MAST4: variants seen among roughly 807,000 people sequenced by gnomAD.
MAST4 encodes microtubule-associated serine/threonine-protein kinase 4.
Under a neutral mutation model 162.7 loss-of-function variants are expected in MAST4, and 89 were observed. The observed-to-expected ratio is 0.55, with a 90% CI of 0.46 to 0.65. MAST4 has a LOEUF of 0.65. Among genes scored for constraint, MAST4 ranks in the 30% least tolerant of loss-of-function variants. MAST4 has a pLI of 0.00. For synonymous variants in MAST4, 1,479 were observed against 1,361.1 expected (o/e 1.09, Z -1.91); for missense variants, 3,153 against 3,374.0 (o/e 0.93, Z 1.62).
intron 1 of MAST4, among the ~76,000 whole-genome samples, chr5:66,618,033 T>TCGGG (rs1554035637): frequency 7.0e-6 from 1 of 143,672 alleles, no homozygotes; most frequent in Admixed American, 6.9e-5. Flanking sequence ...CTGGGAGGAA[T>TCGGG]GGGGGGGGGG....
At chr5:67,018,672 TA>T (rs1363460290) in intron 4 of MAST4, among the ~76,000 whole-genome samples, 15 of 152,170 alleles carry the variant, frequency 9.9e-5, no homozygotes, top group Non-Finnish European at 1.9e-4. Context: ...ACATGTAATT[TA>T]AGATATAGAG....
chr5:66,620,089 T>C (rs1743978997), intron 1 of MAST4, among the ~76,000 whole-genome samples: 1 of 150,504 alleles, frequency 6.6e-6, no homozygotes, highest in African/African-American at 2.4e-5. Flanking sequence ...AAAGGGATAG[T>C]ACTTAAAAAT....
rs1756959984 is a variant in MAST4 at position 67,043,066 on chromosome 5, T to G, written c.675-11338T>G. ...TCTGTTGAATGTCATAAAAGGAGAT[T>G]TGGTGGTCACGGAAGTAAACCCCCT... On this transcript the variant is annotated intron_variant, in intron 4 of 28. Transcript: ENST00000403625. 2.0e-5 allele frequency among the ~76,000 whole-genome samples: 3 copies of G among 152,178 alleles called. No individual in the cohort carries two copies. In the South Asian group the frequency reaches 6.2e-4, roughly 32 times the overall value.
intron 3 of MAST4, among the ~76,000 whole-genome samples, chr5:66,837,313 G>A (rs1014058719): frequency 3.3e-5 from 5 of 152,168 alleles, no homozygotes; most frequent in South Asian, 2.1e-4. Context: ...ACATGAAAAT[G>A]TACTAAAATG....
chr5:67,119,833 C>G (rs1767361079), intron 13 of MAST4, among the ~76,000 whole-genome samples: 2 of 151,892 alleles, frequency 1.3e-5, no homozygotes, highest in African/African-American at 4.8e-5. Flanking sequence ...TGAGATCACT[C>G]GTGTAGGGAA....
intron 2 of MAST4, among the ~76,000 whole-genome samples, chr5:66,765,137 C>T (rs1754033207): frequency 6.6e-6 from 1 of 152,134 alleles, no homozygotes; most frequent in Non-Finnish European, 1.5e-5. Flanking sequence ...AGTTTGGTTG[C>T]ACAGTAGGCT....
intron 2 of MAST4, among the ~76,000 whole-genome samples, chr5:66,768,539 G>T (rs1754213457): frequency 6.6e-6 from 1 of 152,132 alleles, no homozygotes. Context: ...AGTCCAAAGA[G>T]GTTATACTGT....
In MAST4 at chr5:66,894,204, G is replaced by A. The variant is rs117995013; in HGVS notation, c.643-5747G>A. Among the ~76,000 whole-genome samples, 123 of 152,228 alleles carry A rather than the reference G, an allele frequency of 8.1e-4. No homozygotes were observed. The East Asian group carries it at 0.019, about 23-fold the overall frequency. On this transcript the variant is annotated intron_variant, in intron 3 of 28. Coordinates refer to ENST00000403625, the MANE Select transcript of MAST4 (RefSeq NM_001164664.2). ...TTTATGCAAACCAATAGTCCTTAGG[G>A]GGACTTAAAAGTGCCAACCTCTAAT...
At chr5:66,817,264 T>C (rs576175050) in intron 3 of MAST4, among the ~76,000 whole-genome samples, 114 of 152,350 alleles carry the variant, frequency 7.5e-4, no homozygotes, top group African/African-American at 2.7e-3. Context: ...ATACAATGAT[T>C]TAAACAAATC....
intron 4 of MAST4, among the ~76,000 whole-genome samples, chr5:67,049,537 G>A (rs1390594831): frequency 1.3e-5 from 2 of 152,142 alleles, no homozygotes; most frequent in African/African-American, 4.8e-5. Context: ...GTTAGCAGAT[G>A]TTCATGGACA....
At chr5:66,742,751 G>C (rs1427810978) in intron 1 of MAST4, among the ~76,000 whole-genome samples, 1 of 152,180 alleles carries the variant, frequency 6.6e-6, no homozygotes, top group Non-Finnish European at 1.5e-5. Flanking sequence ...ACCTACAGGA[G>C]AGTTTTCTTC....
intron 11 of MAST4, among the ~76,000 whole-genome samples, chr5:67,112,953 C>T (rs888111212): frequency 6.6e-6 from 1 of 152,100 alleles, no homozygotes; most frequent in African/African-American, 2.4e-5. Flanking sequence ...CCAGTCAACT[C>T]ACTAGAATAC....
At chr5:66,703,776 A>G (rs1561274039) in intron 1 of MAST4, among the ~76,000 whole-genome samples, 1 of 152,190 alleles carries the variant, frequency 6.6e-6, no homozygotes, top group African/African-American at 2.4e-5. Flanking sequence ...GCTAGTATAC[A>G]GGAGATCAAA....
chr5:66,856,830 G>A (rs1351364991), intron 3 of MAST4, among the ~76,000 whole-genome samples: 5 of 152,142 alleles, frequency 3.3e-5, no homozygotes, highest in Non-Finnish European at 7.4e-5. Flanking sequence ...ATGGTGATAT[G>A]GCTATATGTC....
chr5:66,718,593 C>A (rs77036914), intron 1 of MAST4, among the ~76,000 whole-genome samples: 2 of 152,136 alleles, frequency 1.3e-5, no homozygotes, highest in African/African-American at 2.4e-5. Context: ...TGAAAGATAT[C>A]TATTACAGTG....
intron 1 of MAST4, among the ~76,000 whole-genome samples, chr5:66,665,729 G>A (rs965754593): frequency 6.6e-5 from 10 of 152,176 alleles, no homozygotes; most frequent in Admixed American, 5.9e-4. Flanking sequence ...CACTTATTGG[G>A]TGTGGAATTT....
At chr5:67,127,484 G>A (rs530310666) in intron 14 of MAST4, among the ~76,000 whole-genome samples, 5 of 152,278 alleles carry the variant, frequency 3.3e-5, no homozygotes, top group African/African-American at 1.2e-4. Context: ...TGCATCTATT[G>A]AGATAATCAT....
intron 4 of MAST4, among the ~76,000 whole-genome samples, chr5:67,012,327 C>T (rs1752785813): frequency 6.6e-6 from 1 of 152,126 alleles, no homozygotes; most frequent in Admixed American, 6.5e-5. Flanking sequence ...TGGGAAAGTC[C>T]TTCTTCCGTT....
At position 67,165,528 on chromosome 5, in the gene MAST4, A is replaced by G. The variant is rs762425280; in HGVS notation, c.6349A>G (p.Lys2117Glu). ...CCCATCTTTGCAGAAAGATGGTGCC[A>G]AGGAACCTGAAAGGAAGGAGCAGCC... ...SFPSLQKDGA[K>E]EPERKEQPLQ... The change falls in exon 29 of 29, where the codon AAG (lysine) becomes GAG (glutamate). Residue 2117 changes from lysine to glutamate, a missense_variant. Physicochemically the swap from Lys to Glu is moderately conservative, Grantham distance 56. Transcript: ENST00000403625. 1.2e-6 allele frequency: 2 copies of G among 1,613,880 alleles called. No individual in the cohort carries two copies. Among genetic ancestry groups the G allele is most frequent in the Non-Finnish European group, 1.7e-6 (2 of 1,179,898 alleles).
Sources: gnomAD v4.1 joint callset for allele counts (sites outside exome capture counted in the v4.1 genomes callset) on GRCh38, gnomAD v4.1.1 for gene constraint, MANE v1.5 for transcripts, NCBI Gene and HGNC (gene_info 2026-07-23, HGNC 2026-07-21) for gene names.